The following CYRIA variants were observed in gnomAD, a reference collection of about 807,000 sequenced individuals.
CYRIA encodes CYFIP related Rac1 interactor A, also known as CYFIP-related Rac1 interactor A.
A neutral mutation model predicts 43.9 loss-of-function variants in CYRIA; 15 were observed. The ratio of observed to expected loss-of-function variants is 0.34; its 90% confidence interval spans 0.23 to 0.53. The LOEUF (loss-of-function observed/expected upper bound fraction) is 0.53, where lower values mean the gene tolerates loss of function less well. CYRIA is among the 20% of genes least tolerant of loss of function. The pLI is 0.94. For missense variants in CYRIA, 236 were observed against 394.2 expected (o/e 0.60, Z 3.40); for synonymous variants, 117 against 136.0 (o/e 0.86, Z 0.97).
At position 16,610,935 on chromosome 2, in the gene CYRIA, TA is replaced by T. The variant is rs1424242420; in HGVS notation, c.-11+12928del. ...ATATATATATATATATATATATATA[TA>T]TCCTGTATATCTTGCATATATTTCT... On this transcript the variant is annotated intron_variant, in intron 2 of 11. Coordinates refer to ENST00000381323, the MANE Select transcript of CYRIA (RefSeq NM_030797.4). 1.1e-3 allele frequency among the ~76,000 whole-genome samples: 152 copies of T among 138,886 alleles called. 1 individual carries two copies. The highest frequency in any genetic ancestry group is 3.9e-3 in the African/African-American group (140 of 36,052). The allele number at this position is 138,886 out of a possible 152,430, so 91.1% of individuals were successfully genotyped here.
At chr2:16,651,026 C>G (rs1669960617) in intron 1 of CYRIA, among the ~76,000 whole-genome samples, 1 of 152,180 alleles carries the variant, frequency 6.6e-6, no homozygotes, top group African/African-American at 2.4e-5. Context: ...CAGGCTCGCT[C>G]TATGCTATCC....
intron 5 of CYRIA, among the ~76,000 whole-genome samples, chr2:16,563,140 A>AT (rs1311583406): frequency 6.6e-6 from 1 of 152,134 alleles, no homozygotes; most frequent in East Asian, 1.9e-4. Context: ...TTGAGCAAAA[A>AT]TTTGGCTCCT....
chr2:16,629,327 G>A (rs2103518759), intron 1 of CYRIA, among the ~76,000 whole-genome samples: 1 of 152,226 alleles, frequency 6.6e-6, no homozygotes. Flanking sequence ...GGAAGGAGGT[G>A]GTGTTTAAAG....
At chr2:16,664,491 GC>G (rs1216890447) in intron 1 of CYRIA, among the ~76,000 whole-genome samples, 1 of 152,168 alleles carries the variant, frequency 6.6e-6, no homozygotes, top group African/African-American at 2.4e-5. Context: ...AGGAAAAACA[GC>G]CCCTGCTCTG....
At chr2:16,622,193 G>A (rs867544045) in intron 2 of CYRIA, among the ~76,000 whole-genome samples, 1 of 152,138 alleles carries the variant, frequency 6.6e-6, no homozygotes, top group South Asian at 2.1e-4. Context: ...AGTCTGAAGG[G>A]AAAAAGCCAC....
Position 16,564,020 on chromosome 2 carries a change from T to C in CYRIA, c.267A>G (p.Leu89=). 5 of 1,613,506 alleles carry C rather than the reference T, an allele frequency of 3.1e-6. No individual in the cohort carries two copies. Among genetic ancestry groups the C allele is most frequent in the South Asian group, 1.1e-5 (1 of 91,032 alleles). ...TAATGGAAAACTCGTAAAATCTCTT[T>C]AGCCTCACAACAAGAGGGCACACCG... ...WNAVCPLVVR[L]KRFYEFSIRL... Residue 89 remains leucine, a synonymous_variant, in exon 5 of 12, where the codon CTA becomes CTG. Transcript: ENST00000381323.
At chr2:16,634,013 C>T (rs1558436405) in intron 1 of CYRIA, among the ~76,000 whole-genome samples, 1 of 152,098 alleles carries the variant, frequency 6.6e-6, no homozygotes, top group African/African-American at 2.4e-5. Context: ...CCAGGTGCTT[C>T]CCAGGCTAAC....
At chr2:16,645,765 A>G (rs920240738) in intron 1 of CYRIA, among the ~76,000 whole-genome samples, 5 of 152,182 alleles carry the variant, frequency 3.3e-5, no homozygotes, top group African/African-American at 1.2e-4. Context: ...AGGATGCTAC[A>G]GTTTATTTTA....
In CYRIA at chr2:16,662,680, T is replaced by A. The variant is rs999128674; in HGVS notation, c.-167+3100A>T. On this transcript the variant is annotated intron_variant, in intron 1 of 11. Transcript: ENST00000381323. ...CCTGCCATGCTTCTCTCCCCTACCC[T>A]GCTCACAAGGGCTGATGTGTGGCTC... 2.0e-5 allele frequency among the ~76,000 whole-genome samples: 3 copies of A among 152,326 alleles called. No homozygotes were observed. In the East Asian group the frequency reaches 5.8e-4, roughly 29 times the overall value.
At chr2:16,598,640 T>G (rs1668091761) in intron 2 of CYRIA, among the ~76,000 whole-genome samples, 1 of 72,062 alleles carries the variant, frequency 1.4e-5, no homozygotes, top group African/African-American at 1.2e-4. Context: ...CTTCTAAATT[T>G]TTTTCAAAGT....
rs1311059079 is a variant in CYRIA, at chr2:16,561,178, T to C, written c.613A>G (p.Met205Val). The change falls in exon 8 of 12, where the codon ATG (methionine) becomes GTG (valine). Residue 205 changes from methionine (M) to valine (V), a missense_variant. This residue lies in a region of CYRIA where 193 missense variants were observed against 303.9 expected (regional missense o/e 0.64). Coordinates refer to ENST00000381323, the MANE Select transcript of CYRIA (RefSeq NM_030797.4). ...TCACTTACTTCAGAGACAAAGTGCA[T>C]TGTGGCATTGCTAAGGGTTTTCAGC... The part of the protein sequence containing the change: ...PMLKTLSNAT[M>V]HFVSENKTLP... 1.9e-6 allele frequency: 3 copies of C among 1,613,592 alleles called. No homozygotes were observed. Among genetic ancestry groups the C allele is most frequent in the Non-Finnish European group, 1.7e-6 (2 of 1,179,598 alleles).
chr2:16,558,781 G>C (rs970131144), intron 10 of CYRIA, among the ~76,000 whole-genome samples: 1 of 152,044 alleles, frequency 6.6e-6, no homozygotes, highest in African/African-American at 2.4e-5. Flanking sequence ...ATAGATTATG[G>C]TCCCTGTCCT....
At chr2:16,575,788 G>A (rs923726844) in intron 3 of CYRIA, among the ~76,000 whole-genome samples, 30 of 151,986 alleles carry the variant, frequency 2.0e-4, no homozygotes, top group South Asian at 4.2e-4. Flanking sequence ...CCCAGGAGGC[G>A]GAGCTTGCAG....
At chr2:16,639,117 C>T (rs138152948) in intron 1 of CYRIA, among the ~76,000 whole-genome samples, 44 of 152,322 alleles carry the variant, frequency 2.9e-4, no homozygotes, top group African/African-American at 1.0e-3. Flanking sequence ...AAGCCACTTC[C>T]TGCAGCTGTC....
chr2:16,617,341 C>T (rs754025426), intron 2 of CYRIA, among the ~76,000 whole-genome samples: 5 of 152,230 alleles, frequency 3.3e-5, no homozygotes, highest in African/African-American at 7.2e-5. Context: ...TGCCTACTAC[C>T]GGGTCAGTGC....
chr2:16,587,447 C>G (rs1667770510), intron 3 of CYRIA, among the ~76,000 whole-genome samples: 1 of 151,836 alleles, frequency 6.6e-6, no homozygotes, highest in Non-Finnish European at 1.5e-5. Context: ...GCTAGGGCTA[C>G]AAAAGTTGAT....
chr2:16,589,990 G>A (rs1019732956), intron 2 of CYRIA, among the ~76,000 whole-genome samples: 8 of 151,978 alleles, frequency 5.3e-5, no homozygotes, highest in Admixed American at 2.0e-4. Context: ...AATGAATTAT[G>A]TGTGGGGCAG....
rs1026285060 is a variant in CYRIA, at chr2:16,650,979, C to T, written c.-167+14801G>A. Among the ~76,000 whole-genome samples the T allele has an allele frequency of 1.3e-5, 2 of 152,142 alleles. No homozygotes were observed. The highest frequency in any genetic ancestry group is 2.9e-5 in the Non-Finnish European group (2 of 68,020). The stretch of plus-strand genomic sequence containing the variant: ...AAAAAAACATTCCATTCAACGGGGG[C>T]GAGTGAGTCACCATAATCATTTATT... On this transcript the variant is annotated intron_variant, in intron 1 of 11. Coordinates refer to ENST00000381323, the MANE Select transcript of CYRIA (RefSeq NM_030797.4). The surrounding 1 kb of genome is among the most constrained non-coding windows in gnomAD (Gnocchi z 4.1).
At chr2:16,559,312 T>C in intron 10 of CYRIA, 148 bp downstream of exon 10, 2 of 937,532 alleles carry the variant, frequency 2.1e-6, no homozygotes, top group South Asian at 1.9e-5. Context: ...CTGGACATCT[T>C]GCTGTGAGGA....
Sources: allele counts gnomAD v4.1 joint callset (sites outside exome capture counted in the v4.1 genomes callset), GRCh38; gene constraint gnomAD v4.1.1; regional missense constraint gnomAD v4.1.1; non-coding constraint Gnocchi (gnomAD v3.1); transcripts MANE v1.5; gene names NCBI Gene and HGNC (gene_info 2026-07-23, HGNC 2026-07-21).